The following FAM193A variants were observed in gnomAD, a reference collection of about 807,000 sequenced individuals.
FAM193A encodes the protein protein FAM193A.
In FAM193A, 22 loss-of-function variants were observed where a neutral mutation model predicts 126.5. That is an observed-to-expected ratio of 0.17 (90% CI 0.12 to 0.25). FAM193A has a LOEUF of 0.25. Among genes scored for constraint, FAM193A ranks in the 10% least tolerant of loss-of-function variants. The pLI is 1.00. For synonymous variants in FAM193A, 761 were observed against 646.8 expected, an observed-to-expected ratio of 1.18 and a Z score of -2.68; for missense variants, 1,675 against 1,672.8, an observed-to-expected ratio of 1.00 and a Z score of -0.02.
intron 7 of FAM193A, among the ~76,000 whole-genome samples, chr4:2,657,095 G>A (rs139102073): frequency 0.016 from 2,402 of 152,272 alleles, 50 homozygotes; most frequent in African/African-American, 0.055. Context: ...TTGAACCCAG[G>A]AGGCAGAGGT....
Position 2,702,287 on chromosome 4 carries a change from C to T in FAM193A, c.4372+1743C>T, listed in dbSNP as rs576721808. Among the ~76,000 whole-genome samples, 170 of 152,298 alleles carry T rather than the reference C, an allele frequency of 1.1e-3. 1 individual carries two copies. The highest frequency in any genetic ancestry group is 9.4e-3 in the Admixed American group (144 of 15,296). On this transcript the variant is annotated intron_variant, in intron 19 of 20. Transcript: ENST00000637812. ...GAGATTCGGTCAGTGGGAGCCCCCT[C>T]GGAATGGCTTTTTCCTTAGACCATT...
chr4:2,707,507 G>A (rs1161810131), intron 19 of FAM193A, among the ~76,000 whole-genome samples: 3 of 151,944 alleles, frequency 2.0e-5, no homozygotes, highest in Non-Finnish European at 4.4e-5. Context: ...ACTGGATTTT[G>A]AAAACCTAGT....
rs547297627 is a variant in FAM193A, at chr4:2,615,914, C to T, written c.502-9348C>T. Among the ~76,000 whole-genome samples, 10 of 152,018 alleles carry T rather than the reference C, an allele frequency of 6.6e-5. No homozygotes were observed. The East Asian group carries it at 7.8e-4, about 12-fold the overall frequency. ...CAACCTCTGCCCGCTCTGGTTCAAG[C>T]GATTCTCCTGCCTCAGCCTTCTGAG... On this transcript the variant is annotated intron_variant, in intron 2 of 20. Coordinates refer to ENST00000637812, the MANE Select transcript of FAM193A (RefSeq NM_001366318.2).
chr4:2,603,721 AGTACAGGT>A (rs1741361125), intron 2 of FAM193A, among the ~76,000 whole-genome samples: 1 of 151,986 alleles, frequency 6.6e-6, no homozygotes, highest in South Asian at 2.1e-4. Flanking sequence ...GGCCTCCCAA[AGTACAGGT>A]GTGAGTCACT....
intron 1 of FAM193A, among the ~76,000 whole-genome samples, chr4:2,585,963 G>T (rs527741142): frequency 1.3e-5 from 2 of 152,180 alleles, no homozygotes; most frequent in Admixed American, 1.3e-4. Flanking sequence ...TTGAATCTGG[G>T]CTGGGTGGGG....
intron 19 of FAM193A, among the ~76,000 whole-genome samples, chr4:2,708,823 A>G (rs951436706): frequency 5.9e-5 from 9 of 152,150 alleles, no homozygotes; most frequent in African/African-American, 2.2e-4. Flanking sequence ...CTTACTGTTG[A>G]TTCTCTGGGG....
At chr4:2,624,956 C>A (rs961208365) in intron 2 of FAM193A, among the ~76,000 whole-genome samples, 16 of 152,202 alleles carry the variant, frequency 1.1e-4, no homozygotes, top group Non-Finnish European at 2.9e-5. Flanking sequence ...TTCCCAGGCT[C>A]AAGTGATCCT....
Position 2,672,197 on chromosome 4 carries a change from C to T in FAM193A, c.2156C>T (p.Thr719Ile), listed in dbSNP as rs753074424. 1 of 1,614,214 alleles carries T rather than the reference C, an allele frequency of 6.2e-7. No individual in the cohort carries two copies. Among genetic ancestry groups the T allele is most frequent in the Non-Finnish European group, 8.5e-7 (1 of 1,180,046 alleles). The stretch of plus-strand genomic sequence containing the variant: ...TCTGGACTGACACCATCTGCAATGA[C>T]AGCCGGAGCCCTTCCTCCTGGCCAT... The part of the protein sequence containing the change: ...EASGLTPSAM[T>I]AGALPPGHQF... The change falls in exon 13 of 21, where the codon ACA (threonine) becomes ATA (isoleucine). Residue 719 changes from threonine (T) to isoleucine (I), a missense_variant. Thr to Ile is a moderately conservative substitution (Grantham distance 89). Around this residue, in one of 4 missense-constraint regions of FAM193A, gnomAD observed 1,186 missense variants for 1,109.2 expected, o/e 1.07. Coordinates refer to ENST00000637812, the MANE Select transcript of FAM193A (RefSeq NM_001366318.2).
In FAM193A at chr4:2,630,083, G is replaced by A. The variant is rs539825956; in HGVS notation, c.804-852G>A. On this transcript the variant is annotated intron_variant, in intron 4 of 20. Coordinates refer to ENST00000637812, the MANE Select transcript of FAM193A (RefSeq NM_001366318.2). ...GGAGGTGGAGCTTGCAGTGAGCCGAGATCACACCATTGCACTCCAGCCTGG... is the reference window on the plus strand; with the variant it reads ...GGAGGTGGAGCTTGCAGTGAGCCGAAATCACACCATTGCACTCCAGCCTGG... Among the ~76,000 whole-genome samples, 14 of 145,696 alleles carry A rather than the reference G, an allele frequency of 9.6e-5. No individual in the cohort carries two copies. The South Asian group carries it at 3.1e-3, about 32-fold the overall frequency.
At chr4:2,714,338 T>G (rs1007873607) in intron 19 of FAM193A, among the ~76,000 whole-genome samples, 1 of 152,140 alleles carries the variant, frequency 6.6e-6, no homozygotes, top group South Asian at 2.1e-4. Context: ...GAGCCTGCTG[T>G]GGCTGGGGGC....
At chr4:2,619,856 A>G (rs1742436799) in intron 2 of FAM193A, among the ~76,000 whole-genome samples, 1 of 151,890 alleles carries the variant, frequency 6.6e-6, no homozygotes, top group African/African-American at 2.4e-5. Flanking sequence ...ATGCCTGGCT[A>G]CATTTTGTAT....
intron 1 of FAM193A, among the ~76,000 whole-genome samples, chr4:2,552,258 G>A (rs1194991273): frequency 1.3e-5 from 2 of 151,792 alleles, no homozygotes; most frequent in African/African-American, 4.8e-5. Flanking sequence ...TGATCCGCCC[G>A]CCTCGGCCTC....
At chr4:2,545,581 G>A (rs770569989) in intron 1 of FAM193A, among the ~76,000 whole-genome samples, 8 of 152,100 alleles carry the variant, frequency 5.3e-5, no homozygotes, top group Non-Finnish European at 1.2e-4. Context: ...GAATTGCTGG[G>A]TGTACTTCGA....
At chr4:2,691,337 T>G (rs1207708185) in intron 15 of FAM193A, among the ~76,000 whole-genome samples, 1 of 152,300 alleles carries the variant, frequency 6.6e-6, no homozygotes, top group African/African-American at 2.4e-5. Flanking sequence ...TACCTCAGCC[T>G]CCCAAGTAGC....
At chr4:2,643,004 C>G (rs1356211410) in intron 6 of FAM193A, among the ~76,000 whole-genome samples, 1 of 152,032 alleles carries the variant, frequency 6.6e-6, no homozygotes, top group Non-Finnish European at 1.5e-5. Context: ...GTATGATGGT[C>G]AGACTCCAAC....
chr4:2,615,404 T>C (rs1040639627), intron 2 of FAM193A, among the ~76,000 whole-genome samples: 8 of 152,244 alleles, frequency 5.3e-5, no homozygotes, highest in African/African-American at 1.9e-4. Context: ...TTCCTTTAGC[T>C]GCATCCCACA....
At chr4:2,637,741 C>T (rs925033550) in intron 5 of FAM193A, among the ~76,000 whole-genome samples, 1 of 152,224 alleles carries the variant, frequency 6.6e-6, no homozygotes. Flanking sequence ...CCCCTCTATG[C>T]TGGTTCCACG....
chr4:2,699,447 CACA>C (rs1319336412), intron 18 of FAM193A, among the ~76,000 whole-genome samples: 11,395 of 56,130 alleles, frequency 0.2, 2,141 homozygotes, highest in Admixed American at 0.44. Context: ...CCCCCCCCCC[CACA>C]CACACACACA....
At chr4:2,581,967 T>C (rs1304237307) in intron 1 of FAM193A, among the ~76,000 whole-genome samples, 1 of 152,214 alleles carries the variant, frequency 6.6e-6, no homozygotes, top group Non-Finnish European at 1.5e-5. Flanking sequence ...TCCTTTACTT[T>C]TAAAAGATTC....
Sources: gnomAD v4.1 joint callset for allele counts (sites outside exome capture counted in the v4.1 genomes callset) on GRCh38, gnomAD v4.1.1 for gene constraint, gnomAD v4.1.1 regional missense constraint, MANE v1.5 for transcripts, NCBI Gene and HGNC (gene_info 2026-07-23, HGNC 2026-07-21) for gene names.